The following SGK1 variants were observed in gnomAD, a reference collection of about 807,000 sequenced individuals.
The protein encoded by SGK1 is serine/threonine-protein kinase Sgk1.
Under a neutral mutation model 64.2 loss-of-function variants are expected in SGK1, and 26 were observed. The observed-to-expected ratio is 0.40, with a 90% CI of 0.30 to 0.56. The LOEUF (loss-of-function observed/expected upper bound fraction) is 0.56. SGK1 is among the 20% of genes least tolerant of loss of function. SGK1 has a pLI of 0.38. For synonymous variants in SGK1, 265 were observed against 239.7 expected (o/e 1.11, Z -0.98); for missense variants, 519 against 645.6 (o/e 0.80, Z 2.12).
intron 1 of SGK1, among the ~76,000 whole-genome samples, chr6:134,290,870 T>C (rs535059554): frequency 2.0e-5 from 3 of 152,274 alleles, no homozygotes; most frequent in South Asian, 2.1e-4. Context: ...CTGGAACTTA[T>C]CTGGTTTGGC....
intron 2 of SGK1, among the ~76,000 whole-genome samples, chr6:134,227,416 G>T (rs2114709020): frequency 6.6e-6 from 1 of 152,314 alleles, no homozygotes; most frequent in South Asian, 2.1e-4. Flanking sequence ...TTACAGGCGT[G>T]GGCCACCGTG....
At chr6:134,281,075 C>A (rs553710119) in intron 1 of SGK1, among the ~76,000 whole-genome samples, 4 of 152,146 alleles carry the variant, frequency 2.6e-5, no homozygotes, top group Admixed American at 6.6e-5. Context: ...TCCAAAAAAA[C>A]CAGAAACAAA....
chr6:134,205,836 C>T (rs1005703558), intron 3 of SGK1, among the ~76,000 whole-genome samples: 4 of 152,126 alleles, frequency 2.6e-5, no homozygotes, highest in African/African-American at 9.7e-5. Context: ...TTTTCTATTT[C>T]ATTAGACCTA....
chr6:134,274,378 G>A (rs532105021), intron 1 of SGK1, among the ~76,000 whole-genome samples: 58 of 152,262 alleles, frequency 3.8e-4, no homozygotes, highest in Non-Finnish European at 7.9e-4. Context: ...ATGAGAGTCA[G>A]GAATGGATTA....
intron 1 of SGK1, among the ~76,000 whole-genome samples, chr6:134,281,145 G>A (rs960641753): frequency 1.3e-5 from 2 of 152,116 alleles, no homozygotes; most frequent in Non-Finnish European, 2.9e-5. Context: ...CCTGGAATCT[G>A]GATTATAACC....
chr6:134,256,645 T>C (rs1444944278), intron 2 of SGK1, among the ~76,000 whole-genome samples: 1 of 152,180 alleles, frequency 6.6e-6, no homozygotes, highest in Non-Finnish European at 1.5e-5. Context: ...CTTTGTGGCC[T>C]ATAAGTTAGT....
rs1161415616 is a variant in SGK1 at position 134,317,784 on chromosome 6, GA to G, written c.-325del. 2.2e-5 allele frequency: 6 copies of G among 267,582 alleles called. No individual in the cohort carries two copies. Among genetic ancestry groups the G allele is most frequent in the Non-Finnish European group, 4.2e-5 (6 of 142,352 alleles). The allele number at this position is 267,582 out of a possible 1,614,324, so 16.6% of individuals were successfully genotyped here. ...AGATGCTGTGGCTCTTACCGAGCGG[GA>G]GAAGGGTACGCCTCCCCGCCCCCAG... is the stretch of plus-strand genomic sequence containing the variant. On this transcript the variant is annotated 5_prime_UTR_variant, in exon 1 of 14. Transcript: ENST00000367858.
chr6:134,310,069 C>G (rs772294304), intron 1 of SGK1, among the ~76,000 whole-genome samples: 2 of 149,798 alleles, frequency 1.3e-5, no homozygotes, highest in African/African-American at 2.5e-5. Flanking sequence ...GATGGCTCCA[C>G]CCCCCACGTT....
intron 2 of SGK1, among the ~76,000 whole-genome samples, chr6:134,209,262 C>T (rs564850368): frequency 5.9e-5 from 9 of 152,110 alleles, no homozygotes; most frequent in East Asian, 3.9e-4. Flanking sequence ...GCTGAAATCC[C>T]GTCTCTACTA....
At chr6:134,232,680 GTC>G (rs1445925624) in intron 2 of SGK1, among the ~76,000 whole-genome samples, 1 of 151,938 alleles carries the variant, frequency 6.6e-6, no homozygotes, top group African/African-American at 2.4e-5. Context: ...GCGAAAACTC[GTC>G]TCTGCTAAAA....
intron 1 of SGK1, among the ~76,000 whole-genome samples, chr6:134,315,045 G>A (rs1777658384): frequency 1.3e-5 from 2 of 152,058 alleles, no homozygotes; most frequent in South Asian, 2.1e-4. Flanking sequence ...TCTGGGAAAG[G>A]GAGAAAGATT....
At chr6:134,261,751 A>G (rs750097771) in intron 2 of SGK1, 182 bp downstream of exon 2, 1 of 631,324 alleles carries the variant, frequency 1.6e-6, no homozygotes, top group South Asian at 1.9e-5. Flanking sequence ...TCTAAAATAT[A>G]AAGCCTACTT....
intron 1 of SGK1, among the ~76,000 whole-genome samples, chr6:134,284,805 G>A (rs1412905595): frequency 2.0e-5 from 3 of 152,032 alleles, no homozygotes; most frequent in East Asian, 3.9e-4. Flanking sequence ...TTCCATTCCC[G>A]AGTTATTTCA....
chr6:134,242,302 G>A (rs1197246154), intron 2 of SGK1, among the ~76,000 whole-genome samples: 1 of 151,994 alleles, frequency 6.6e-6, no homozygotes, highest in Non-Finnish European at 1.5e-5. Context: ...CCTGGCCAAC[G>A]TGGCAAAACC....
At chr6:134,207,290 G>A (rs895083020) in intron 3 of SGK1, 66 bp downstream of exon 3, 2 of 1,014,206 alleles carry the variant, frequency 2.0e-6, no homozygotes, top group Non-Finnish European at 1.5e-6. Flanking sequence ...TTGCCTTTGT[G>A]TAGAGCTTTA....
At chr6:134,257,678 T>G (rs147070213) in intron 2 of SGK1, among the ~76,000 whole-genome samples, 23 of 152,316 alleles carry the variant, frequency 1.5e-4, no homozygotes, top group Admixed American at 1.5e-3. Context: ...TATCATATGA[T>G]GTTTGAGAGG....
At chr6:134,245,259 CTGTAATA>C (rs1776509758) in intron 2 of SGK1, among the ~76,000 whole-genome samples, 2 of 152,176 alleles carry the variant, frequency 1.3e-5, no homozygotes, top group African/African-American at 4.8e-5. Flanking sequence ...ACACTGTAGG[CTGTAATA>C]GTTTAGCTTT....
intron 1 of SGK1, among the ~76,000 whole-genome samples, chr6:134,264,646 TTTGTTG>T (rs749077811): frequency 1.2e-4 from 18 of 149,550 alleles, no homozygotes; most frequent in African/African-American, 3.8e-4. Flanking sequence ...TATTATTATT[TTTGTTG>T]TTGTTGTTGT....
intron 2 of SGK1, among the ~76,000 whole-genome samples, chr6:134,227,382 G>A (rs1266360670): frequency 6.6e-6 from 1 of 152,008 alleles, no homozygotes; most frequent in Admixed American, 6.6e-5. Context: ...TGATCCACCC[G>A]CTTGGCCTCC....
Sources: gnomAD v4.1 joint callset for allele counts (sites outside exome capture counted in the v4.1 genomes callset) on GRCh38, gnomAD v4.1.1 for gene constraint, MANE v1.5 for transcripts, NCBI Gene and HGNC (gene_info 2026-07-23, HGNC 2026-07-21) for gene names.